The following FAM151B variants were observed in gnomAD, a reference collection of about 807,000 sequenced individuals.
FAM151B encodes protein FAM151B.
A neutral mutation model predicts 31.2 loss-of-function variants in FAM151B; 24 were observed. The ratio of observed to expected loss-of-function variants is 0.77; its 90% CI spans 0.56 to 1.08. FAM151B has a LOEUF of 1.08. Ranked by LOEUF, FAM151B falls within the 50% of genes least tolerant of loss-of-function variation. The probability of loss-of-function intolerance (pLI) is 0.00; values close to 1 mark genes in which losing one functional copy is unlikely to be tolerated. For synonymous variants in FAM151B, 105 were observed against 111.4 expected, an observed-to-expected ratio of 0.94 and a Z score of 0.36; for missense variants, 293 against 328.6, an observed-to-expected ratio of 0.89 and a Z score of 0.84.
intron 2 of FAM151B, chr5:80,506,077 G>T (rs777820289): frequency 1.0e-6 from 1 of 985,550 alleles, no homozygotes; most frequent in Non-Finnish European, 1.2e-6. Context: ...TTTTATTAAG[G>T]TATCCATTTC....
At chr5:80,541,173 C>A (rs1745869286) in intron 5 of FAM151B, among the ~76,000 whole-genome samples, 1 of 152,212 alleles carries the variant, frequency 6.6e-6, no homozygotes, top group South Asian at 2.1e-4. Context: ...TTAGTGAAAT[C>A]TCTTGGCATT....
rs1438439710 is a variant in FAM151B, at chr5:80,490,472, CTTAT to C, written c.25+2332_25+2335del. On this transcript the variant is annotated intron_variant, in intron 1 of 5. Coordinates refer to ENST00000282226, the MANE Select transcript of FAM151B (RefSeq NM_205548.3). ...AAAGAGTATAATTCAGTGGTTTTAG[CTTAT>C]TTATTTAATTTTAGCTTATTCACAG... Among the ~76,000 whole-genome samples, 3 of 152,312 alleles carry C rather than the reference CTTAT, an allele frequency of 2.0e-5. 1 individual carries two copies. The highest frequency in any genetic ancestry group is 4.1e-4 in the South Asian group (2 of 4,832).
intron 2 of FAM151B, chr5:80,506,184 AT>A: frequency 1.4e-5 from 12 of 884,792 alleles, no homozygotes; most frequent in Non-Finnish European, 1.6e-5. Flanking sequence ...GATGATTCAT[AT>A]TGCTCCCATG....
chr5:80,538,487 C>CT (rs1561383867), intron 5 of FAM151B, among the ~76,000 whole-genome samples: 2 of 95,474 alleles, frequency 2.1e-5, no homozygotes, highest in African/African-American at 1.1e-4. Flanking sequence ...TCTTTCTTTC[C>CT]TTCCTTCCTT....
intron 5 of FAM151B, among the ~76,000 whole-genome samples, chr5:80,523,116 C>G (rs902611232): frequency 6.6e-6 from 1 of 151,994 alleles, no homozygotes; most frequent in African/African-American, 2.4e-5. Flanking sequence ...ACAGTAAATG[C>G]ATAAAGAATA....
At chr5:80,520,374 G>T (rs1744645970) in intron 4 of FAM151B, among the ~76,000 whole-genome samples, 1 of 152,028 alleles carries the variant, frequency 6.6e-6, no homozygotes, top group Non-Finnish European at 1.5e-5. Context: ...GCCGGGCGTG[G>T]TGGCTCATGC....
At chr5:80,535,223 C>G (rs1024353667) in intron 5 of FAM151B, among the ~76,000 whole-genome samples, 2 of 152,188 alleles carry the variant, frequency 1.3e-5, no homozygotes, top group African/African-American at 4.8e-5. Context: ...ATTCCAATGA[C>G]ATTCTTCACA....
chr5:80,524,556 A>G (rs1197808260), intron 5 of FAM151B, among the ~76,000 whole-genome samples: 4 of 152,064 alleles, frequency 2.6e-5, no homozygotes, highest in African/African-American at 9.7e-5. Flanking sequence ...TGTTTTTCTA[A>G]TTATTCCATA....
intron 4 of FAM151B, 116 bp from the exon 5 acceptor site, chr5:80,521,887 A>G: frequency 1.5e-6 from 1 of 656,830 alleles, no homozygotes; most frequent in Non-Finnish European, 2.3e-6. Flanking sequence ...GGAAAGTATT[A>G]TGAATTACCT....
intron 5 of FAM151B, among the ~76,000 whole-genome samples, chr5:80,533,749 CAAAAA>C (rs71601590): frequency 1.5e-5 from 1 of 67,546 alleles, no homozygotes; most frequent in South Asian, 6.2e-4. Flanking sequence ...GACTCCATCT[CAAAAA>C]AAAAAAAAAA....
At chr5:80,538,448 C>CTTTCTTTCTCTTTCTTTGTT (rs1235874356) in intron 5 of FAM151B, among the ~76,000 whole-genome samples, 10 of 49,358 alleles carry the variant, frequency 2.0e-4, no homozygotes, top group African/African-American at 7.9e-4. Context: ...TTCTTTCTTT[C>CTTTCTTTCTCTTTCTTTGTT]TCTTTCTTTC....
chr5:80,538,561 CTT>C (rs1745708261), intron 5 of FAM151B, among the ~76,000 whole-genome samples: 2 of 131,682 alleles, frequency 1.5e-5, no homozygotes, highest in Non-Finnish European at 3.2e-5. Flanking sequence ...TCCTTCCTTC[CTT>C]CCTTCCTTCC....
intron 2 of FAM151B, among the ~76,000 whole-genome samples, chr5:80,506,780 G>A (rs1743979879): frequency 6.6e-6 from 1 of 152,024 alleles, no homozygotes; most frequent in South Asian, 2.1e-4. Flanking sequence ...TTGACCTCTT[G>A]CCTCACTGTT....
chr5:80,499,977 G>T (rs947822108), intron 1 of FAM151B: 4 of 157,674 alleles, frequency 2.5e-5, no homozygotes, highest in African/African-American at 9.7e-5. Context: ...ATTATTTACA[G>T]TGGCCAAGGT....
intron 2 of FAM151B, among the ~76,000 whole-genome samples, chr5:80,512,437 G>C (rs770163080): frequency 1.3e-4 from 20 of 152,166 alleles, no homozygotes; most frequent in Non-Finnish European, 2.8e-4. Context: ...AGTGGCCTCT[G>C]AAGTGTTCTG....
chr5:80,536,254 T>G (rs1209748477), intron 5 of FAM151B, among the ~76,000 whole-genome samples: 1 of 152,062 alleles, frequency 6.6e-6, no homozygotes. Flanking sequence ...CACTGCAACC[T>G]CCGCCTCCCA....
chr5:80,530,811 C>T (rs1376807008), intron 5 of FAM151B, among the ~76,000 whole-genome samples: 1 of 152,098 alleles, frequency 6.6e-6, no homozygotes, highest in Non-Finnish European at 1.5e-5. Context: ...GCCATACTGC[C>T]CAAGGTAATT....
chr5:80,501,792 G>T lies in FAM151B; in HGVS notation c.26G>T (p.Gly9Val). The T allele has an allele frequency of 6.3e-7, 1 of 1,590,412 alleles. No individual in the cohort carries two copies. Among genetic ancestry groups the T allele is most frequent in the African/African-American group, 1.3e-5 (1 of 74,230 alleles). ...TTTCATGTAAACACTGTTATTTTAG[G>T]ATCTTGGAGTGAAAATATACTGGAA... Reference protein sequence around the residue: MAASAGGPGSWSENILEYF... With the variant: MAASAGGPVSWSENILEYF... Residue 9 changes from glycine to valine, a missense_variant and splice_region_variant, in exon 2 of 6, where the codon GGA becomes GTA. Coordinates refer to ENST00000282226, the MANE Select transcript of FAM151B (RefSeq NM_205548.3).
intron 5 of FAM151B, among the ~76,000 whole-genome samples, chr5:80,541,280 A>G (rs1352721488): frequency 2.0e-5 from 3 of 152,136 alleles, no homozygotes; most frequent in Non-Finnish European, 4.4e-5. Flanking sequence ...TCTCTTCACA[A>G]TCCCTTCCCA....
Sources: allele counts gnomAD v4.1 joint callset (sites outside exome capture counted in the v4.1 genomes callset), GRCh38; gene constraint gnomAD v4.1.1; transcripts MANE v1.5; gene names NCBI Gene and HGNC (gene_info 2026-07-23, HGNC 2026-07-21).